CLSTN2: variants seen among roughly 807,000 people sequenced by gnomAD.
CLSTN2 encodes calsyntenin-2.
Under a neutral mutation model 101.2 loss-of-function variants are expected in CLSTN2, and 48 were observed. The ratio of observed to expected loss-of-function variants is 0.47; its 90% CI spans 0.38 to 0.60. CLSTN2 has a LOEUF of 0.60. CLSTN2 is among the 20% of genes least tolerant of loss of function. CLSTN2 has a pLI of 0.00. For synonymous variants in CLSTN2, 481 were observed against 463.6 expected (o/e 1.04, Z -0.48); for missense variants, 1,160 against 1,238.2 (o/e 0.94, Z 0.95).
chr3:140,410,411 C>CAAAAAAAAAAAAA (rs11450317), intron 4 of CLSTN2, among the ~76,000 whole-genome samples: 2 of 118,758 alleles, frequency 1.7e-5, no homozygotes. Flanking sequence ...AAATAAAAAG[C>CAAAAAAAAAAAAA]AAAAAAAAAA....
At chr3:140,476,704 A>G (rs1367991047) in intron 8 of CLSTN2, among the ~76,000 whole-genome samples, 1 of 141,486 alleles carries the variant, frequency 7.1e-6, no homozygotes, top group African/African-American at 2.7e-5. Context: ...TGTGGTCCAG[A>G]CTGGAGTGCA....
intron 2 of CLSTN2, among the ~76,000 whole-genome samples, chr3:140,298,693 A>G (rs1163933131): frequency 6.6e-6 from 1 of 152,208 alleles, no homozygotes; most frequent in African/African-American, 2.4e-5. Context: ...GTCAGGCAAA[A>G]GGCAATAAAC....
intron 1 of CLSTN2, among the ~76,000 whole-genome samples, chr3:140,053,054 T>C (rs2008027944): frequency 2.0e-5 from 3 of 152,116 alleles, no homozygotes; most frequent in Admixed American, 2.0e-4. Context: ...TGGATGGCGC[T>C]GGCAGTCAGG....
At chr3:140,546,765 G>C (rs1403769073) in intron 10 of CLSTN2, 84 bp downstream of exon 10, 1 of 1,249,806 alleles carries the variant, frequency 8.0e-7, no homozygotes, top group East Asian at 2.6e-5. Context: ...GCCAGGAAAT[G>C]GAGCTTCCTG....
intron 1 of CLSTN2, among the ~76,000 whole-genome samples, chr3:140,131,666 TGA>T (rs1174894609): frequency 6.6e-6 from 1 of 151,914 alleles, no homozygotes; most frequent in East Asian, 1.9e-4. Context: ...GGTAGTTGTG[TGA>T]GAGGAGGTGG....
chr3:140,167,966 A>G (rs373420485), intron 1 of CLSTN2, among the ~76,000 whole-genome samples: 1 of 152,184 alleles, frequency 6.6e-6, no homozygotes, highest in African/African-American at 2.4e-5. Flanking sequence ...GTTGACGGCC[A>G]TTTTAGTTAC....
chr3:140,260,815 A>G (rs1284991063), intron 2 of CLSTN2, among the ~76,000 whole-genome samples: 1 of 152,112 alleles, frequency 6.6e-6, no homozygotes, highest in Non-Finnish European at 1.5e-5. Context: ...GTAGTTTCTC[A>G]GGCTTTCCTT....
At chr3:140,506,623 T>C (rs1048552402) in intron 8 of CLSTN2, 6 of 152,102 alleles carry the variant, frequency 3.9e-5, no homozygotes, top group African/African-American at 1.5e-4. Context: ...CACGCTCTCA[T>C]TTGTGACCAA....
At chr3:140,134,362 A>C (rs1322885748) in intron 1 of CLSTN2, among the ~76,000 whole-genome samples, 1 of 152,010 alleles carries the variant, frequency 6.6e-6, no homozygotes, top group Non-Finnish European at 1.5e-5. Flanking sequence ...TGCTTGTCTG[A>C]TTCTCTGCTC....
At chr3:140,009,699 T>G (rs1364269908) in intron 1 of CLSTN2, among the ~76,000 whole-genome samples, 1 of 152,242 alleles carries the variant, frequency 6.6e-6, no homozygotes, top group Non-Finnish European at 1.5e-5. Flanking sequence ...TTTTTGTTGT[T>G]ATAAAAATTG....
At chr3:140,044,573 A>G (rs1024953579) in intron 1 of CLSTN2, among the ~76,000 whole-genome samples, 16 of 152,284 alleles carry the variant, frequency 1.1e-4, no homozygotes, top group African/African-American at 3.9e-4. Context: ...TATGTTGAAT[A>G]GGAGTGGTGA....
chr3:140,431,360 A>G (rs1304469618), intron 5 of CLSTN2, among the ~76,000 whole-genome samples: 1 of 152,178 alleles, frequency 6.6e-6, no homozygotes, highest in Non-Finnish European at 1.5e-5. Context: ...CAAGCTTCAA[A>G]CCCAAAGATG....
chr3:140,356,706 C>T (rs369494486), intron 2 of CLSTN2, among the ~76,000 whole-genome samples: 149 of 141,190 alleles, frequency 1.1e-3, no homozygotes, highest in African/African-American at 3.9e-3. Flanking sequence ...TGCAATGAGC[C>T]GAGATCATGC....
At chr3:139,936,609 G>T (rs1163381771) in intron 1 of CLSTN2, among the ~76,000 whole-genome samples, 1 of 152,168 alleles carries the variant, frequency 6.6e-6, no homozygotes, top group African/African-American at 2.4e-5. Context: ...TGATTCGGAC[G>T]CTTGCTTTGA....
intron 1 of CLSTN2, among the ~76,000 whole-genome samples, chr3:140,067,517 G>A (rs144561687): frequency 7.9e-4 from 120 of 152,298 alleles, no homozygotes; most frequent in African/African-American, 2.4e-3. Flanking sequence ...TTTAAACCTC[G>A]AGAAGGTCCA....
chr3:139,976,674 C>T (rs747535039), intron 1 of CLSTN2, among the ~76,000 whole-genome samples: 9 of 152,222 alleles, frequency 5.9e-5, no homozygotes, highest in Non-Finnish European at 1.0e-4. Context: ...ACAGTGCCCA[C>T]TGTCCTGGCT....
At chr3:140,100,665 T>C (rs761444054) in intron 1 of CLSTN2, among the ~76,000 whole-genome samples, 1 of 152,244 alleles carries the variant, frequency 6.6e-6, no homozygotes, top group Non-Finnish European at 1.5e-5. Context: ...ATCCAGGCTG[T>C]GTGTGGGCCA....
intron 1 of CLSTN2, among the ~76,000 whole-genome samples, chr3:140,056,388 C>T (rs1337554257): frequency 2.0e-5 from 3 of 152,204 alleles, no homozygotes; most frequent in African/African-American, 7.2e-5. Flanking sequence ...CCCCTCTGTA[C>T]CCGCAGGGCT....
intron 2 of CLSTN2, among the ~76,000 whole-genome samples, chr3:140,312,889 G>A (rs1415437134): frequency 6.6e-6 from 1 of 152,216 alleles, no homozygotes; most frequent in Non-Finnish European, 1.5e-5. Context: ...TTCAGCAATT[G>A]GAGTATTTGT....
Sources: gnomAD v4.1 joint callset for allele counts (sites outside exome capture counted in the v4.1 genomes callset) on GRCh38, gnomAD v4.1.1 for gene constraint, MANE v1.5 for transcripts, NCBI Gene and HGNC (gene_info 2026-07-23, HGNC 2026-07-21) for gene names.